Variants in LAMA3 observed in about 807,000 individuals in gnomAD.
LAMA3 encodes laminin subunit alpha-3.
A neutral mutation model predicts 402.0 loss-of-function variants in LAMA3; 281 were observed. The observed-to-expected ratio is 0.70, with a 90% CI of 0.63 to 0.77. The LOEUF is 0.77. Ranked by LOEUF, LAMA3 falls within the 30% of genes least tolerant of loss-of-function variation. The pLI, the probability that LAMA3 is intolerant of heterozygous loss-of-function variation, is 0.00. For synonymous variants in LAMA3, 1,431 were observed against 1,558.4 expected, an observed-to-expected ratio of 0.92 and a Z score of 1.93; for missense variants, 3,840 against 4,215.5, an observed-to-expected ratio of 0.91 and a Z score of 2.47.
At chr18:23,726,150 G>C (rs1220248183) in intron 2 of LAMA3, among the ~76,000 whole-genome samples, 3 of 152,208 alleles carry the variant, frequency 2.0e-5, no homozygotes, top group African/African-American at 7.2e-5. Flanking sequence ...AGTGGGGCAA[G>C]GAAGCCCAGA....
intron 2 of LAMA3, among the ~76,000 whole-genome samples, chr18:23,716,421 A>C (rs1206072268): frequency 6.6e-6 from 1 of 152,170 alleles, no homozygotes; most frequent in Non-Finnish European, 1.5e-5. Flanking sequence ...GGCCTCCCAA[A>C]GTACTAAGAT....
In LAMA3 at chr18:23,837,087, C is replaced by T. The variant is rs2063597967; in HGVS notation, c.3091C>T (p.Leu1031=). Residue 1031 remains leucine (L), a splice_region_variant and synonymous_variant, in exon 25 of 75, where the codon CTG becomes TTG. Coordinates refer to ENST00000313654, the MANE Select transcript of LAMA3 (RefSeq NM_198129.4). Reference sequence around the variant, plus strand: ...CAAGGGACACATGGCCCGATTCCTTCTGGTATGCTTCTGTTTTGCCCATTG... The same window carrying T: ...CAAGGGACACATGGCCCGATTCCTTTTGGTATGCTTCTGTTTTGCCCATTG... ...QLKGHMARFL[L]HQVCIIPIEE... 1.3e-6 allele frequency: 2 copies of T among 1,595,876 alleles called. No individual in the cohort carries two copies. The highest frequency in any genetic ancestry group is 2.7e-5 in the African/African-American group (2 of 74,494).
At chr18:23,754,500 T>A (rs959179744) in intron 6 of LAMA3, among the ~76,000 whole-genome samples, 2 of 152,346 alleles carry the variant, frequency 1.3e-5, no homozygotes, top group African/African-American at 4.8e-5. Context: ...TGAGCATGTG[T>A]CAGAATTTTC....
intron 12 of LAMA3, among the ~76,000 whole-genome samples, chr18:23,791,534 C>G (rs2062654006): frequency 6.6e-6 from 1 of 151,986 alleles, no homozygotes; most frequent in African/African-American, 2.4e-5. Context: ...GAGTTCAAGA[C>G]AAGCCTGGCC....
intron 69 of LAMA3, among the ~76,000 whole-genome samples, chr18:23,944,509 C>G (rs1190551241): frequency 6.6e-6 from 1 of 152,238 alleles, no homozygotes; most frequent in Non-Finnish European, 1.5e-5. Flanking sequence ...AGCAAACAAT[C>G]CTCAATGTAA....
rs773274696 is a variant in LAMA3 at position 23,824,568 on chromosome 18, A to G, written c.2571+3A>G. 3.1e-6 allele frequency: 5 copies of G among 1,613,808 alleles called. No homozygotes were observed. The highest frequency in any genetic ancestry group is 1.3e-5 in the African/African-American group (1 of 74,922). On this transcript the variant is annotated splice_donor_region_variant and intron_variant, in intron 21 of 74. Coordinates refer to ENST00000313654, the MANE Select transcript of LAMA3 (RefSeq NM_198129.4). ...TTAAGGCAGAAGGAGTCCTTCTGGT[A>G]AGACTTAGTTCTGAATGGAGAGCTC... is the stretch of plus-strand genomic sequence containing the variant.
chr18:23,854,985 AAAAT>A (rs1480971007), intron 32 of LAMA3, among the ~76,000 whole-genome samples: 2 of 115,054 alleles, frequency 1.7e-5, no homozygotes, highest in African/African-American at 5.2e-5. Context: ...CTCCGTCTCA[AAAAT>A]AAATAAATAA....
intron 49 of LAMA3, 49 bp downstream of exon 49, chr18:23,903,174 T>C (rs549226574): frequency 5.9e-5 from 69 of 1,165,486 alleles, no homozygotes; most frequent in Non-Finnish European, 8.7e-5. Flanking sequence ...ATTTTAATTA[T>C]ATTGTGAGAA....
intron 12 of LAMA3, among the ~76,000 whole-genome samples, chr18:23,784,974 AGTT>A (rs1335807187): frequency 6.6e-6 from 1 of 152,182 alleles, no homozygotes; most frequent in Non-Finnish European, 1.5e-5. Flanking sequence ...AGCCCAGAGG[AGTT>A]GTTAAGAGCC....
At chr18:23,743,906 A>G (rs529257083) in intron 2 of LAMA3, among the ~76,000 whole-genome samples, 3 of 152,290 alleles carry the variant, frequency 2.0e-5, no homozygotes, top group African/African-American at 7.2e-5. Context: ...GGTGCTTTCT[A>G]GTCTCACAGA....
In LAMA3 at chr18:23,891,679, T is replaced by C. The variant is rs78574016; in HGVS notation, c.5410+1562T>C. On this transcript the variant is annotated intron_variant, in intron 42 of 74. Coordinates refer to ENST00000313654, the MANE Select transcript of LAMA3 (RefSeq NM_198129.4). ...GTTGAGTGGAAAAAATAAATAAACC[T>C]TTAGCTATGTGATAAGTGGTAACTG... Among the ~76,000 whole-genome samples, 1,505 of 152,248 alleles carry C rather than the reference T, an allele frequency of 9.9e-3. 18 individuals carry two copies. Among genetic ancestry groups the C allele is most frequent in the Non-Finnish European group, 0.016 (1,121 of 68,030 alleles).
In LAMA3 at chr18:23,699,653, A is replaced by G. The variant is rs151114389; in HGVS notation, c.294+9676A>G. Reference sequence around the variant, plus strand: ...TGGGGTATTAATTGGGCAGGCCTAGATGTGGCCTGGCCCACATTGTAAACT... The same window carrying G: ...TGGGGTATTAATTGGGCAGGCCTAGGTGTGGCCTGGCCCACATTGTAAACT... On this transcript the variant is annotated intron_variant, in intron 1 of 74. Coordinates refer to ENST00000313654, the MANE Select transcript of LAMA3 (RefSeq NM_198129.4). Among the ~76,000 whole-genome samples the G allele has an allele frequency of 1.7e-3, 258 of 152,318 alleles. 1 individual carries two copies. The highest frequency in any genetic ancestry group is 6.1e-3 in the African/African-American group (253 of 41,558).
chr18:23,770,858 C>T (rs2062184712), intron 8 of LAMA3, among the ~76,000 whole-genome samples: 1 of 152,088 alleles, frequency 6.6e-6, no homozygotes, highest in African/African-American at 2.4e-5. Flanking sequence ...TACATACTCC[C>T]CAGGATTGCT....
intron 23 of LAMA3, among the ~76,000 whole-genome samples, chr18:23,829,444 A>C (rs774922986): frequency 1.3e-5 from 2 of 152,048 alleles, no homozygotes; most frequent in Non-Finnish European, 2.9e-5. Flanking sequence ...CTAATTTTGC[A>C]TTGTCTTAGC....
chr18:23,777,692 C>T, intron 11 of LAMA3, 73 bp downstream of exon 11: 6 of 1,138,496 alleles, frequency 5.3e-6, no homozygotes, highest in Non-Finnish European at 8.0e-6. Context: ...TTCCTGTGTG[C>T]ACTGCCACAT....
intron 11 of LAMA3, among the ~76,000 whole-genome samples, chr18:23,779,774 GA>G (rs1223363576): frequency 6.6e-6 from 1 of 152,160 alleles, no homozygotes; most frequent in Non-Finnish European, 1.5e-5. Context: ...ATGGGCTTGG[GA>G]AAGTCATGGG....
intron 62 of LAMA3, among the ~76,000 whole-genome samples, chr18:23,923,259 G>A (rs2081901906): frequency 6.6e-6 from 1 of 152,162 alleles, no homozygotes. Flanking sequence ...ACCAAATTTG[G>A]GTTTTCAGTA....
At chr18:23,861,317 C>T (rs991574863) in intron 34 of LAMA3, among the ~76,000 whole-genome samples, 1 of 152,138 alleles carries the variant, frequency 6.6e-6, no homozygotes, top group Non-Finnish European at 1.5e-5. Context: ...CCATTAAATG[C>T]GCCATGGTCC....
At chr18:23,912,422 A>C (rs1403919405) in intron 55 of LAMA3, among the ~76,000 whole-genome samples, 2 of 152,164 alleles carry the variant, frequency 1.3e-5, no homozygotes, top group Non-Finnish European at 2.9e-5. Flanking sequence ...TATTGTCATT[A>C]TCATTATTAT....
Sources: allele counts gnomAD v4.1 joint callset (sites outside exome capture counted in the v4.1 genomes callset), GRCh38; gene constraint gnomAD v4.1.1; transcripts MANE v1.5; gene names NCBI Gene and HGNC (gene_info 2026-07-23, HGNC 2026-07-21).